SLC2A9: variants seen among roughly 807,000 people sequenced by gnomAD.
The protein encoded by SLC2A9 is solute carrier family 2, facilitated glucose transporter member 9.
SLC2A9 carries 39 observed loss-of-function variants against 50.6 expected under a neutral mutation model. The observed-to-expected ratio is 0.77, with a 90% CI of 0.60 to 1.01. The LOEUF is 1.01. Ranked by LOEUF, SLC2A9 falls within the 50% of genes least tolerant of loss-of-function variation. The pLI is 0.00. For missense variants in SLC2A9, 686 were observed against 677.6 expected (o/e 1.01, Z -0.14); for synonymous variants, 324 against 276.9 (o/e 1.17, Z -1.69).
rs544017062 is a variant in SLC2A9 at position 9,834,961 on chromosome 4, G to T, written c.1339C>A (p.Arg447=). 12 of 1,613,852 alleles carry T rather than the reference G, an allele frequency of 7.4e-6. No homozygotes were observed. Among genetic ancestry groups the T allele is most frequent in the Non-Finnish European group, 1.0e-5 (12 of 1,180,006 alleles). ...LTGEFFQQSQ[R]PAAFIIAGTV... ...CCTGCAATGATGAAGGCAGCCGGCC[G>T]CTGAGATTGCTGGAAGAACTCACCA... Residue 447 remains arginine (R), a synonymous_variant, in exon 11 of 12, where the codon CGG becomes AGG. Transcript: ENST00000264784.
At chr4:10,022,107 G>C (rs994326303), upstream of SLC2A9, among the ~76,000 whole-genome samples, 1 of 152,174 alleles carries the variant, frequency 6.6e-6, no homozygotes, top group Non-Finnish European at 1.5e-5. Flanking sequence ...CCAAAGTGCT[G>C]GAATTAGAGG....
intron 6 of SLC2A9, among the ~76,000 whole-genome samples, chr4:9,933,005 C>T (rs894955514): frequency 1.3e-5 from 2 of 152,194 alleles, no homozygotes; most frequent in Non-Finnish European, 2.9e-5. Flanking sequence ...AGAACATCAG[C>T]CACGTTAACG....
At chr4:9,846,774 GA>G (rs1368502216) in intron 10 of SLC2A9, among the ~76,000 whole-genome samples, 1 of 152,076 alleles carries the variant, frequency 6.6e-6, no homozygotes, top group African/African-American at 2.4e-5. Flanking sequence ...TTACATAAAA[GA>G]AATAAAGTGC....
intron 10 of SLC2A9, chr4:9,879,353 C>T (rs906765133): frequency 1.6e-5 from 15 of 933,064 alleles, no homozygotes; most frequent in Admixed American, 6.2e-5. Context: ...GACCATGAAG[C>T]GTGTGTGTGT....
At chr4:9,897,378 C>T (rs1184077675) in intron 8 of SLC2A9, among the ~76,000 whole-genome samples, 1 of 151,960 alleles carries the variant, frequency 6.6e-6, no homozygotes. Flanking sequence ...GAATTGCATT[C>T]TCTCAAAAAA....
At chr4:9,821,969 T>C (rs1393123178), downstream of SLC2A9, among the ~76,000 whole-genome samples, 1 of 152,236 alleles carries the variant, frequency 6.6e-6, no homozygotes, top group Non-Finnish European at 1.5e-5. Context: ...ATAGTGTCTT[T>C]TGAAAATTTA....
chr4:9,989,131 C>A (rs1269689822), intron 3 of SLC2A9, among the ~76,000 whole-genome samples: 1 of 152,228 alleles, frequency 6.6e-6, no homozygotes, highest in Non-Finnish European at 1.5e-5. Context: ...TTCCTGCATA[C>A]CCAGCTTGAA....
chr4:9,967,939 T>G (rs142618854), intron 5 of SLC2A9, among the ~76,000 whole-genome samples: 2 of 152,110 alleles, frequency 1.3e-5, no homozygotes, highest in African/African-American at 4.8e-5. Context: ...GTTGACTATA[T>G]TTAAAAGGGA....
At chr4:9,910,990 G>T (rs982387827) in intron 7 of SLC2A9, among the ~76,000 whole-genome samples, 1 of 150,984 alleles carries the variant, frequency 6.6e-6, no homozygotes, top group Admixed American at 6.6e-5. Flanking sequence ...ATACACCAGG[G>T]CCTGTTGGGG....
intron 1 of SLC2A9, among the ~76,000 whole-genome samples, chr4:10,037,625 C>T (rs906955531): frequency 6.6e-6 from 1 of 152,156 alleles, no homozygotes; most frequent in African/African-American, 2.4e-5. Context: ...AAAAACCTAA[C>T]TTTATCACAA....
At chr4:10,019,612 C>T (rs1763251334) in intron 1 of SLC2A9, among the ~76,000 whole-genome samples, 1 of 152,218 alleles carries the variant, frequency 6.6e-6, no homozygotes, top group African/African-American at 2.4e-5. Flanking sequence ...CCTCTAGTCA[C>T]CACTGCACTG....
intron 1 of SLC2A9, chr4:10,034,474 G>A (rs1381399225): frequency 6.6e-6 from 1 of 152,336 alleles, no homozygotes; most frequent in African/African-American, 2.4e-5. Context: ...ACTGTAGCCA[G>A]AGCTCTCACT....
chr4:9,851,205 G>A lies in SLC2A9; in HGVS notation c.1292-16197C>T, dbSNP rs533908264. On this transcript the variant is annotated intron_variant, in intron 10 of 11. Transcript: ENST00000264784. ...GTGGTCATTGGGCTGGGAACACCTC[G>A]GCCCATTCAGCGTAGCAGGTTCCTA... 4.6e-4 allele frequency among the ~76,000 whole-genome samples: 70 copies of A among 152,302 alleles called. 1 individual carries two copies. The Middle Eastern group carries it at 0.01, about 22-fold the overall frequency.
intron 11 of SLC2A9, 27 bp downstream of exon 11, chr4:9,834,854 G>A: frequency 1.2e-6 from 2 of 1,614,058 alleles, no homozygotes; most frequent in Non-Finnish European, 1.7e-6. Flanking sequence ...GGAACCCCAT[G>A]GGCAAAAGAC....
At chr4:9,946,804 C>T (rs1000236908) in intron 5 of SLC2A9, among the ~76,000 whole-genome samples, 15 of 152,310 alleles carry the variant, frequency 9.8e-5, no homozygotes, top group African/African-American at 3.1e-4. Context: ...AAAATTTAAT[C>T]CCTGGGGCTT....
At chr4:9,886,302 T>A (rs563613891) in intron 10 of SLC2A9, among the ~76,000 whole-genome samples, 1 of 152,322 alleles carries the variant, frequency 6.6e-6, no homozygotes, top group Admixed American at 6.5e-5. Flanking sequence ...ACTAAACACA[T>A]TTACTCCTCG....
chr4:9,972,107 C>G (rs2109016205), intron 5 of SLC2A9, among the ~76,000 whole-genome samples: 1 of 152,258 alleles, frequency 6.6e-6, no homozygotes, highest in Non-Finnish European at 1.5e-5. Flanking sequence ...CCTGAATAAA[C>G]ATTGTTTTCT....
chr4:9,978,002 G>A (rs1327189280), intron 5 of SLC2A9, among the ~76,000 whole-genome samples: 7 of 152,216 alleles, frequency 4.6e-5, no homozygotes, highest in South Asian at 2.1e-4. Context: ...GACAAGATGC[G>A]GAAGCAAACG....
At chr4:9,898,255 A>C (rs1738932257) in intron 8 of SLC2A9, among the ~76,000 whole-genome samples, 1 of 152,062 alleles carries the variant, frequency 6.6e-6, no homozygotes, top group South Asian at 2.1e-4. Context: ...GAATGTATGT[A>C]AAAAAAAGAA....
Sources: gnomAD v4.1 joint callset for allele counts (sites outside exome capture counted in the v4.1 genomes callset) on GRCh38, gnomAD v4.1.1 for gene constraint, MANE v1.5 for transcripts, NCBI Gene and HGNC (gene_info 2026-07-23, HGNC 2026-07-21) for gene names.